Variants in PXDNL observed in about 807,000 individuals in gnomAD.
The protein encoded by PXDNL is probable oxidoreductase PXDNL.
Under a neutral mutation model 150.8 loss-of-function variants are expected in PXDNL, and 145 were observed. The observed-to-expected ratio is 0.96, with a 90% CI of 0.84 to 1.10. The LOEUF (loss-of-function observed/expected upper bound fraction) is 1.10, where lower values mean the gene tolerates loss of function less well. PXDNL is among the 50% of genes least tolerant of loss of function. PXDNL has a pLI of 0.00. For missense variants in PXDNL, 2,087 were observed against 1,873.9 expected (o/e 1.11, Z -2.10); for synonymous variants, 757 against 725.7 (o/e 1.04, Z -0.69).
chr8:51,326,489 G>C (rs963535819), intron 21 of PXDNL, among the ~76,000 whole-genome samples: 9 of 152,142 alleles, frequency 5.9e-5, no homozygotes, highest in Admixed American at 1.3e-4. Context: ...GTGAGACTCA[G>C]TCTCAGAAAA....
intron 2 of PXDNL, among the ~76,000 whole-genome samples, chr8:51,632,017 T>C (rs1814498514): frequency 6.6e-6 from 1 of 152,134 alleles, no homozygotes; most frequent in African/African-American, 2.4e-5. Flanking sequence ...ATTTTTAATA[T>C]AAATAGATTG....
intron 1 of PXDNL, among the ~76,000 whole-genome samples, chr8:51,770,124 A>C (rs1454076063): frequency 6.6e-6 from 1 of 152,156 alleles, no homozygotes; most frequent in African/African-American, 2.4e-5. Context: ...TTGCTCCTCT[A>C]TCCCATAAAT....
chr8:51,568,089 C>T (rs1232848796), intron 3 of PXDNL, among the ~76,000 whole-genome samples: 4 of 151,794 alleles, frequency 2.6e-5, no homozygotes, highest in African/African-American at 9.6e-5. Context: ...TCCACTTATC[C>T]ATAAGCTACC....
chr8:51,758,340 T>C (rs2037124987), intron 1 of PXDNL, among the ~76,000 whole-genome samples: 1 of 152,226 alleles, frequency 6.6e-6, no homozygotes, highest in South Asian at 2.1e-4. Flanking sequence ...AATTCCATGC[T>C]AATGTATGAG....
intron 17 of PXDNL, among the ~76,000 whole-genome samples, chr8:51,380,878 C>A (rs1455235436): frequency 6.6e-6 from 1 of 151,916 alleles, no homozygotes; most frequent in Non-Finnish European, 1.5e-5. Flanking sequence ...TTTTTTCTGC[C>A]AATACTGAAA....
At chr8:51,465,195 T>C (rs1286930199) in intron 8 of PXDNL, among the ~76,000 whole-genome samples, 1 of 152,036 alleles carries the variant, frequency 6.6e-6, no homozygotes, top group Admixed American at 6.6e-5. Flanking sequence ...CATCAGAAAG[T>C]TGATTTACCA....
rs1002324051 is a variant in PXDNL at position 51,773,478 on chromosome 8, C to A, written c.164+35703G>T. On this transcript the variant is annotated intron_variant, in intron 1 of 22. Coordinates refer to ENST00000356297, the MANE Select transcript of PXDNL (RefSeq NM_144651.5). The stretch of plus-strand genomic sequence containing the variant: ...GCTACTAATGAGCAGGGAGGGACAT[C>A]ATAGTGCAGAGAAACAGACTCAGGG... 3.3e-5 allele frequency among the ~76,000 whole-genome samples: 5 copies of A among 152,310 alleles called. No individual in the cohort carries two copies. The South Asian group carries it at 6.2e-4, about 19-fold the overall frequency.
At chr8:51,425,349 T>G (rs1195017636) in intron 13 of PXDNL, among the ~76,000 whole-genome samples, 1 of 152,092 alleles carries the variant, frequency 6.6e-6, no homozygotes, top group East Asian at 1.9e-4. Context: ...ACTCAATCAG[T>G]TTGTGATTAA....
chr8:51,486,780 ATATATATATATATATTTTTTTTTTTTT>A (rs1454357648), intron 5 of PXDNL, among the ~76,000 whole-genome samples: 2 of 17,800 alleles, frequency 1.1e-4, no homozygotes, highest in African/African-American at 4.2e-4. Context: ...ATATATATAT[ATATATATATATATATTTTTTTTTTTTT>A]TTTTTTTTTT....
At chr8:51,743,882 AC>A (rs916058614) in intron 1 of PXDNL, among the ~76,000 whole-genome samples, 39 of 146,290 alleles carry the variant, frequency 2.7e-4, no homozygotes, top group Non-Finnish European at 3.9e-4. Flanking sequence ...AAATGTTGGA[AC>A]CTCTCTCTCT....
intron 19 of PXDNL, among the ~76,000 whole-genome samples, chr8:51,361,681 G>A (rs1291074741): frequency 6.6e-6 from 1 of 152,040 alleles, no homozygotes; most frequent in Non-Finnish European, 1.5e-5. Flanking sequence ...AGAATTCCTG[G>A]CTAGGTGCAG....
chr8:51,394,903 A>C (rs1161239173), intron 17 of PXDNL, among the ~76,000 whole-genome samples: 3 of 152,312 alleles, frequency 2.0e-5, no homozygotes, highest in African/African-American at 7.2e-5. Context: ...TCACCTTGGA[A>C]GACCCCAAGT....
At chr8:51,375,290 AC>A (rs1215866835) in intron 17 of PXDNL, among the ~76,000 whole-genome samples, 1 of 152,230 alleles carries the variant, frequency 6.6e-6, no homozygotes, top group African/African-American at 2.4e-5. Context: ...CAACAAACAA[AC>A]AAAAAAGCAC....
At chr8:51,424,450 T>A (rs1008121289) in intron 13 of PXDNL, among the ~76,000 whole-genome samples, 1 of 152,170 alleles carries the variant, frequency 6.6e-6, no homozygotes, top group Non-Finnish European at 1.5e-5. Context: ...TTTTTATTAA[T>A]GTATTTCTAA....
At chr8:51,690,155 C>T (rs1486230057) in intron 1 of PXDNL, among the ~76,000 whole-genome samples, 1 of 152,054 alleles carries the variant, frequency 6.6e-6, no homozygotes, top group Non-Finnish European at 1.5e-5. Context: ...GAAAAAAGTA[C>T]TGTTTTTCTT....
At chr8:51,351,567 A>G (rs954800824) in intron 19 of PXDNL, among the ~76,000 whole-genome samples, 11 of 152,162 alleles carry the variant, frequency 7.2e-5, no homozygotes, top group Non-Finnish European at 1.5e-4. Context: ...GGGGAGACAC[A>G]TTTTGCTGTC....
intron 1 of PXDNL, among the ~76,000 whole-genome samples, chr8:51,707,896 C>T (rs747417866): frequency 1.4e-4 from 21 of 152,002 alleles, no homozygotes; most frequent in Admixed American, 4.6e-4. Context: ...TGTGTGTGTG[C>T]GCGTGCATAC....
chr8:51,465,594 A>C (rs1810187634), intron 8 of PXDNL, among the ~76,000 whole-genome samples: 1 of 152,140 alleles, frequency 6.6e-6, no homozygotes, highest in Admixed American at 6.6e-5. Flanking sequence ...ACATCCAAAT[A>C]GAAGAAAAGT....
At chr8:51,765,201 G>A (rs1204195067) in intron 1 of PXDNL, among the ~76,000 whole-genome samples, 2 of 152,098 alleles carry the variant, frequency 1.3e-5, no homozygotes, top group Non-Finnish European at 2.9e-5. Context: ...CACATGTTGT[G>A]GGAGGGACCC....
Sources: allele counts gnomAD v4.1 joint callset (sites outside exome capture counted in the v4.1 genomes callset), GRCh38; gene constraint gnomAD v4.1.1; transcripts MANE v1.5; gene names NCBI Gene and HGNC (gene_info 2026-07-23, HGNC 2026-07-21).